Variants in DNAJC27 observed in about 807,000 individuals in gnomAD.
DNAJC27 encodes dnaJ homolog subfamily C member 27.
A neutral mutation model predicts 31.4 loss-of-function variants in DNAJC27; 25 were observed. The ratio of observed to expected loss-of-function variants is 0.80; its 90% CI spans 0.58 to 1.11. The LOEUF (loss-of-function observed/expected upper bound fraction) is 1.11, where lower values mean the gene tolerates loss of function less well. Among genes scored for constraint, DNAJC27 ranks in the 50% most tolerant of loss-of-function variants. The pLI, the probability that DNAJC27 is intolerant of heterozygous loss-of-function variation, is 0.00. For synonymous variants in DNAJC27, 106 were observed against 112.7 expected (o/e 0.94, Z 0.37); for missense variants, 356 against 347.3 (o/e 1.02, Z -0.20).
intron 5 of DNAJC27, among the ~76,000 whole-genome samples, chr2:24,951,911 C>G (rs1157449327): frequency 2.0e-5 from 3 of 152,060 alleles, no homozygotes; most frequent in Non-Finnish European, 4.4e-5. Context: ...GAGTTTGAGA[C>G]CAGCCTGGGC....
chr2:24,956,587 A>G (rs1320710188), intron 5 of DNAJC27, among the ~76,000 whole-genome samples: 1 of 152,212 alleles, frequency 6.6e-6, no homozygotes, highest in African/African-American at 2.4e-5. Flanking sequence ...TAATGCTTCT[A>G]TCTGATTATG....
chr2:24,966,167 G>T (rs142139622), intron 2 of DNAJC27, among the ~76,000 whole-genome samples: 3 of 152,302 alleles, frequency 2.0e-5, no homozygotes, highest in Non-Finnish European at 4.4e-5. Context: ...GAAATGGGCA[G>T]GGCTGTTCCA....
chr2:24,972,033 C>G (rs981131394), upstream of DNAJC27: 1 of 664,422 alleles, frequency 1.5e-6, no homozygotes, highest in Admixed American at 4.1e-5. Context: ...GCTCGCCATC[C>G]CCGCCGCTGC....
intron 2 of DNAJC27, among the ~76,000 whole-genome samples, chr2:24,964,731 A>T (rs1457738917): frequency 6.6e-6 from 1 of 152,238 alleles, no homozygotes; most frequent in East Asian, 1.9e-4. Flanking sequence ...TGCCAGAAAC[A>T]AAATAGTCTG....
intron 6 of DNAJC27, among the ~76,000 whole-genome samples, chr2:24,950,010 A>G (rs1665729454): frequency 6.6e-6 from 1 of 151,636 alleles, no homozygotes; most frequent in Admixed American, 6.6e-5. Flanking sequence ...TAATAGTCAA[A>G]TAATCTTGAA....
rs1471250372 is a variant in DNAJC27, at chr2:24,947,410, G to C, written c.*206C>G. On this transcript the variant is annotated 3_prime_UTR_variant, in exon 7 of 7. Coordinates refer to ENST00000264711, the MANE Select transcript of DNAJC27 (RefSeq NM_016544.3). ...AAATATGAAATGAAGTACAGGGTGTGACGCTCAGTTCACTTCATACAAATG... is the reference window on the plus strand; with the variant it reads ...AAATATGAAATGAAGTACAGGGTGTCACGCTCAGTTCACTTCATACAAATG... The C allele has an allele frequency of 1.9e-6, 1 of 535,768 alleles. No individual in the cohort carries two copies. The allele number at this position is 535,768 out of a possible 1,614,324, so 33.2% of individuals were successfully genotyped here.
Position 24,946,283 on chromosome 2 carries a change from C to T in DNAJC27, c.*1333G>A, listed in dbSNP as rs1159743492. 6.6e-6 allele frequency: 1 copy of T among 152,122 alleles called. No homozygotes were observed. The highest frequency in any genetic ancestry group is 2.4e-5 in the African/African-American group (1 of 41,412). 9.4% of individuals were successfully genotyped at this position (152,122 alleles called of 1,614,324 possible). On this transcript the variant is annotated 3_prime_UTR_variant, in exon 7 of 7. Transcript: ENST00000264711. The stretch of plus-strand genomic sequence containing the variant: ...TACAGAGATTCCTCCCAACAGAGGC[C>T]CTGAGATCTCCCCTGACTGCCACCC...
chr2:24,956,995 GCA>G (rs750807743), intron 5 of DNAJC27, 46 bp downstream of exon 5: 7 of 1,566,988 alleles, frequency 4.5e-6, no homozygotes, highest in Non-Finnish European at 6.0e-6. Flanking sequence ...CTGAAAATTG[GCA>G]CAGTGGCCTT....
At chr2:24,970,231 TATA>T (rs1276693598) in intron 1 of DNAJC27, among the ~76,000 whole-genome samples, 1 of 152,222 alleles carries the variant, frequency 6.6e-6, no homozygotes, top group Non-Finnish European at 1.5e-5. Context: ...ATTGAATTTT[TATA>T]ATGTTTCTAA....
chr2:24,968,749 TTAC>T (rs1375276193), intron 1 of DNAJC27, among the ~76,000 whole-genome samples: 1 of 152,192 alleles, frequency 6.6e-6, no homozygotes, highest in Non-Finnish European at 1.5e-5. Context: ...TCCCATAATT[TTAC>T]TACATTTGTG....
intron 1 of DNAJC27, among the ~76,000 whole-genome samples, chr2:24,967,875 T>TA (rs1212088833): frequency 6.6e-6 from 1 of 152,124 alleles, no homozygotes; most frequent in Non-Finnish European, 1.5e-5. Flanking sequence ...CTTTCAACGA[T>TA]ACCACCAAAA....
chr2:24,963,215 C>T (rs926482785), intron 3 of DNAJC27, 190 bp downstream of exon 3: 32 of 419,308 alleles, frequency 7.6e-5, no homozygotes, highest in Non-Finnish European at 1.3e-4. Context: ...TTTCCTACCA[C>T]TATTTAACAG....
intron 3 of DNAJC27, among the ~76,000 whole-genome samples, chr2:24,961,321 G>T (rs1414036160): frequency 6.6e-6 from 1 of 152,124 alleles, no homozygotes; most frequent in East Asian, 1.9e-4. Context: ...AAATATTACT[G>T]CTCATTCACA....
intron 1 of DNAJC27, among the ~76,000 whole-genome samples, chr2:24,970,873 T>TA (rs1343962420): frequency 6.6e-6 from 1 of 151,956 alleles, no homozygotes; most frequent in Non-Finnish European, 1.5e-5. Context: ...TACACAGAAA[T>TA]AAAAAACACT....
intron 1 of DNAJC27, among the ~76,000 whole-genome samples, chr2:24,967,954 CTT>C (rs35902856): frequency 4.3e-4 from 58 of 135,552 alleles, no homozygotes; most frequent in African/African-American, 4.6e-4. Context: ...AGATTAATTC[CTT>C]TTTTTTTTTT....
At position 24,945,251 on chromosome 2, in the gene DNAJC27, G is replaced by A. The variant is rs1469020933; in HGVS notation, c.*2365C>T. The stretch of plus-strand genomic sequence containing the variant: ...AACTTGCTTATTTTATTCCTTTTAC[G>A]TAAATGAAGTGGTATATGGCCATTC... On this transcript the variant is annotated 3_prime_UTR_variant, in exon 7 of 7. Coordinates refer to ENST00000264711, the MANE Select transcript of DNAJC27 (RefSeq NM_016544.3). The A allele has an allele frequency of 6.6e-6, 1 of 152,114 alleles. No homozygotes were observed. Among genetic ancestry groups the A allele is most frequent in the Non-Finnish European group, 1.5e-5 (1 of 68,038 alleles). The allele number at this position is 152,114 out of a possible 1,614,324, so 9.4% of individuals were successfully genotyped here. A position where few individuals can be genotyped will look rare whatever the true frequency, so the allele number is the denominator to read the frequency against.
At chr2:24,966,131 G>T (rs1558556799) in intron 2 of DNAJC27, among the ~76,000 whole-genome samples, 1 of 152,176 alleles carries the variant, frequency 6.6e-6, no homozygotes, top group Non-Finnish European at 1.5e-5. Flanking sequence ...GACCTTACGG[G>T]AACAGGAGAA....
rs1007910523 is a variant in DNAJC27 at position 24,953,063 on chromosome 2, T to C, written c.529-1509A>G. On this transcript the variant is annotated intron_variant, in intron 5 of 6. Coordinates refer to ENST00000264711, the MANE Select transcript of DNAJC27 (RefSeq NM_016544.3). ...ACTGCACCTGGCTACACTTTTCTGA[T>C]TTTTTTTTAGGTGAAAGCTTTTTTG... is the stretch of plus-strand genomic sequence containing the variant. Among the ~76,000 whole-genome samples the C allele has an allele frequency of 7.3e-4, 110 of 151,070 alleles. 1 individual carries two copies. The highest frequency in any genetic ancestry group is 1.3e-3 in the Non-Finnish European group (90 of 67,700).
intron 1 of DNAJC27, among the ~76,000 whole-genome samples, chr2:24,967,863 T>G (rs897846486): frequency 6.6e-6 from 1 of 152,178 alleles, no homozygotes; most frequent in Non-Finnish European, 1.5e-5. Context: ...TCTATTCTTA[T>G]GCTTTCAACG....
Sources: allele counts gnomAD v4.1 joint callset (sites outside exome capture counted in the v4.1 genomes callset), GRCh38; gene constraint gnomAD v4.1.1; transcripts MANE v1.5; gene names NCBI Gene and HGNC (gene_info 2026-07-23, HGNC 2026-07-21).